Variants in DGKH observed in about 807,000 individuals in gnomAD.
The protein encoded by DGKH is DAG kinase eta.
DGKH carries 90 observed loss-of-function variants against 159.3 expected under a neutral mutation model. The observed-to-expected ratio is 0.57, with a 90% CI of 0.48 to 0.67. The LOEUF (loss-of-function observed/expected upper bound fraction) is 0.67, where lower values mean the gene tolerates loss of function less well. Ranked by LOEUF, DGKH falls within the 30% of genes least tolerant of loss-of-function variation. The pLI, the probability that DGKH is intolerant of heterozygous loss-of-function variation, is 0.00. For missense variants in DGKH, 1,181 were observed against 1,506.1 expected, an observed-to-expected ratio of 0.78 and a Z score of 3.57; for synonymous variants, 536 against 553.8, an observed-to-expected ratio of 0.97 and a Z score of 0.45.
intron 7 of DGKH, among the ~76,000 whole-genome samples, chr13:42,162,435 C>T (rs968538243): frequency 2.0e-5 from 3 of 152,156 alleles, no homozygotes; most frequent in Admixed American, 6.5e-5. Context: ...ATCGCTTGAA[C>T]CTGGGAGTTG....
chr13:42,233,959 A>AC lies in DGKH; in HGVS notation c.*4771_*4772insC. Reference sequence around the variant, plus strand: ...GTTAGTCATGCAAAAAAAGAAAAGGAATGAACCAAGATGATTGCAAGTTAA... The same window carrying AC: ...GTTAGTCATGCAAAAAAAGAAAAGGACATGAACCAAGATGATTGCAAGTTAA... On this transcript the variant is annotated 3_prime_UTR_variant, in exon 30 of 30. Coordinates refer to ENST00000337343, the MANE Select transcript of DGKH (RefSeq NM_178009.5). 1 of 152,346 alleles carries AC rather than the reference A, an allele frequency of 6.6e-6. No individual in the cohort carries two copies. Among genetic ancestry groups the AC allele is most frequent in the African/African-American group, 2.4e-5 (1 of 41,574 alleles). 9.4% of individuals were successfully genotyped at this position (152,346 alleles called of 1,614,324 possible). A position where few individuals can be genotyped will look rare whatever the true frequency, so the allele number is the denominator to read the frequency against.
chr13:42,089,735 CT>C (rs1170726200), intron 1 of DGKH, among the ~76,000 whole-genome samples: 1 of 152,154 alleles, frequency 6.6e-6, no homozygotes, highest in Non-Finnish European at 1.5e-5. Context: ...CCAGAATAAC[CT>C]CCATCTCTCA....
chr13:42,147,614 G>C (rs895047850), intron 3 of DGKH, among the ~76,000 whole-genome samples: 4 of 152,098 alleles, frequency 2.6e-5, no homozygotes, highest in African/African-American at 7.2e-5. Flanking sequence ...CCAATCTCTG[G>C]TACAGTCGGA....
chr13:42,228,786 A>G (rs920679081), intron 29 of DGKH, among the ~76,000 whole-genome samples: 1 of 152,150 alleles, frequency 6.6e-6, no homozygotes, highest in African/African-American at 2.4e-5. Flanking sequence ...GCCACTGTGT[A>G]TAATTATGAG....
At chr13:42,174,312 G>A (rs1956547247) in intron 12 of DGKH, among the ~76,000 whole-genome samples, 168 bp downstream of exon 12, 1 of 152,152 alleles carries the variant, frequency 6.6e-6, no homozygotes, top group African/African-American at 2.4e-5. Flanking sequence ...CTCTCCCCCA[G>A]AGAGAAGAAT....
intron 3 of DGKH, among the ~76,000 whole-genome samples, chr13:42,151,494 T>TATACACATGTATATATATACAC: frequency 2.4e-5 from 3 of 124,414 alleles, no homozygotes; most frequent in Non-Finnish European, 5.4e-5. Context: ...TGTGTGTGTG[T>TATACACATGTATATATATACAC]GTGTGTGTGT....
At position 42,151,503 on chromosome 13, in the gene DGKH, G is replaced by A. The variant is rs201238361; in HGVS notation, c.385-3788G>A. Among the ~76,000 whole-genome samples the A allele has an allele frequency of 2.4e-4, 20 of 83,116 alleles. No individual in the cohort carries two copies. In the East Asian group the frequency reaches 4.6e-3, roughly 19 times the overall value. 54.5% of individuals were successfully genotyped at this position (83,116 alleles called of 152,430 possible). A position where few individuals can be genotyped will look rare whatever the true frequency, so the allele number is the denominator to read the frequency against. On this transcript the variant is annotated intron_variant, in intron 3 of 29. Transcript: ENST00000337343. ...GGTGTGTGTGTGTGTGTGTGTGTGTGTGTATACACATGTATATATATACAC... is the reference window on the plus strand; with the variant it reads ...GGTGTGTGTGTGTGTGTGTGTGTGTATGTATACACATGTATATATATACAC...
At chr13:42,061,501 A>G (rs963000422) in intron 1 of DGKH, among the ~76,000 whole-genome samples, 1 of 152,140 alleles carries the variant, frequency 6.6e-6, no homozygotes, top group African/African-American at 2.4e-5. Context: ...TATCATTATG[A>G]TATACTGTCC....
At chr13:42,192,750 G>A (rs9566934) in intron 16 of DGKH, among the ~76,000 whole-genome samples, 2,373 of 152,052 alleles carry the variant, frequency 0.016, 61 homozygotes, top group East Asian at 0.093. Context: ...TTCTTTTCCA[G>A]ATGATCTGCC....
chr13:42,066,975 CAT>C (rs1226972168), intron 1 of DGKH, among the ~76,000 whole-genome samples: 1 of 151,708 alleles, frequency 6.6e-6, no homozygotes, highest in East Asian at 1.9e-4. Flanking sequence ...AAGAATATAA[CAT>C]ATAACATGTG....
chr13:42,184,098 G>T (rs1956844793), intron 13 of DGKH, among the ~76,000 whole-genome samples: 1 of 152,198 alleles, frequency 6.6e-6, no homozygotes, highest in South Asian at 2.1e-4. Flanking sequence ...GTAAAGTGAG[G>T]TAGTTGTTAA....
chr13:42,177,941 A>G (rs1956645857), intron 12 of DGKH, among the ~76,000 whole-genome samples, 194 bp from the exon 13 acceptor site: 1 of 152,214 alleles, frequency 6.6e-6, no homozygotes, highest in Non-Finnish European at 1.5e-5. Flanking sequence ...AATATAAATT[A>G]AAGAATTCCA....
chr13:42,223,009 T>C (rs986083624), intron 29 of DGKH, among the ~76,000 whole-genome samples: 4 of 152,226 alleles, frequency 2.6e-5, no homozygotes, highest in Non-Finnish European at 4.4e-5. Flanking sequence ...TGTTCTGTTT[T>C]GTTTTTATTT....
At chr13:42,117,119 T>G (rs1355344838) in intron 1 of DGKH, among the ~76,000 whole-genome samples, 1 of 152,286 alleles carries the variant, frequency 6.6e-6, no homozygotes, top group African/African-American at 2.4e-5. Flanking sequence ...AGGGGGGAGT[T>G]AATGCCTCAT....
chr13:42,097,426 G>T (rs2137764036), intron 1 of DGKH, among the ~76,000 whole-genome samples: 1 of 152,274 alleles, frequency 6.6e-6, no homozygotes. Context: ...TGTCGCCTGT[G>T]TCCGTCACTG....
At chr13:42,092,001 G>C (rs750242141) in intron 1 of DGKH, among the ~76,000 whole-genome samples, 3 of 151,994 alleles carry the variant, frequency 2.0e-5, no homozygotes, top group Non-Finnish European at 4.4e-5. Context: ...TTCTGTAATT[G>C]GCTGTACTAC....
intron 26 of DGKH, among the ~76,000 whole-genome samples, chr13:42,218,322 C>T (rs1055355041): frequency 6.6e-6 from 1 of 152,100 alleles, no homozygotes; most frequent in Admixed American, 6.6e-5. Flanking sequence ...AGATGATAAG[C>T]CATTGAGCTT....
intron 30 of DGKH, among the ~76,000 whole-genome samples, chr13:42,253,926 T>C (rs1482493919): frequency 3.3e-5 from 5 of 151,230 alleles, no homozygotes; most frequent in Admixed American, 2.0e-4. Context: ...AAAAAAAGAA[T>C]GTAAAATGCC....
At chr13:42,245,462 A>G (rs554903435), downstream of DGKH, among the ~76,000 whole-genome samples, 1 of 152,340 alleles carries the variant, frequency 6.6e-6, no homozygotes, top group South Asian at 2.1e-4. Context: ...ATTGAATGCA[A>G]TTGATCATAT....
Sources: gnomAD v4.1 joint callset for allele counts (sites outside exome capture counted in the v4.1 genomes callset) on GRCh38, gnomAD v4.1.1 for gene constraint, MANE v1.5 for transcripts, NCBI Gene and HGNC (gene_info 2026-07-23, HGNC 2026-07-21) for gene names.